LRAT: variants seen among roughly 807,000 people sequenced by gnomAD.
LRAT encodes lecithin retinol acyltransferase, also known as lecithin retinol acyltransferase (phosphatidylcholine--retinol O-acyltransferase).
In LRAT, 11 loss-of-function variants were observed where a neutral mutation model predicts 14.2. The observed-to-expected ratio is 0.78, with a 90% confidence interval of 0.49 to 1.29. The LOEUF (loss-of-function observed/expected upper bound fraction) is 1.29, where lower values mean the gene tolerates loss of function less well. Ranked by LOEUF, LRAT falls within the 50% of genes most tolerant of loss-of-function variation. The pLI, the probability that LRAT is intolerant of heterozygous loss-of-function variation, is 0.00. For missense variants in LRAT, 274 were observed against 292.4 expected, an observed-to-expected ratio of 0.94 and a Z score of 0.46; for synonymous variants, 144 against 124.8, an observed-to-expected ratio of 1.15 and a Z score of -1.03.
Position 154,744,323 on chromosome 4 carries a change from C to G in LRAT, c.-1-3C>G. ...CCTCTCCAAGACGCCCTCTTCCCTG[C>G]AGGATGAAGAACCCCATGCTGGAGG... On this transcript the variant is annotated splice_polypyrimidine_tract_variant and splice_region_variant and intron_variant, in intron 1 of 2. Transcript: ENST00000336356. The G allele has an allele frequency of 6.2e-7, 1 of 1,614,012 alleles. No individual in the cohort carries two copies. The highest frequency in any genetic ancestry group is 1.3e-5 in the African/African-American group (1 of 75,074).
At chr4:154,747,039 T>C (rs897929456) in intron 2 of LRAT, among the ~76,000 whole-genome samples, 1 of 152,206 alleles carries the variant, frequency 6.6e-6, no homozygotes, top group African/African-American at 2.4e-5. Context: ...TTCTACTTTT[T>C]AGAAACATAA....
chr4:154,745,762 G>T (rs558000599), intron 2 of LRAT, among the ~76,000 whole-genome samples: 1 of 152,178 alleles, frequency 6.6e-6, no homozygotes, highest in Non-Finnish European at 1.5e-5. Context: ...AAAATTCCCA[G>T]TAAGAGGGCC....
In LRAT at chr4:154,749,395, T is replaced by G. The variant is rs1304667206; in HGVS notation, c.*259T>G. On this transcript the variant is annotated 3_prime_UTR_variant, in exon 3 of 3. Transcript: ENST00000336356. ...CAGGGTGTGGTAGAATTCAGCAATATGAGAAAACCAGCCCCTAAAATGATA... is the reference window on the plus strand; with the variant it reads ...CAGGGTGTGGTAGAATTCAGCAATAGGAGAAAACCAGCCCCTAAAATGATA... 6 of 460,854 alleles carry G rather than the reference T, an allele frequency of 1.3e-5. No individual in the cohort carries two copies. Among genetic ancestry groups the G allele is most frequent in the Admixed American group, 3.5e-5 (1 of 28,266 alleles). 28.5% of individuals were successfully genotyped at this position (460,854 alleles called of 1,614,324 possible).
Position 154,749,035 on chromosome 4 carries a change from T to G in LRAT, c.592T>G (p.Ser198Ala), listed in dbSNP as rs1316923811. The change falls in exon 3 of 3, where the codon TCA becomes GCA. Residue 198 changes from serine to alanine, a missense_variant. Coordinates refer to ENST00000336356, the MANE Select transcript of LRAT (RefSeq NM_004744.5). ...TCGTGATCAGAGAAGTGTTCTTGCTTCAGCAGTCTTGGGATTGGCGTCTAT... is the reference window on the plus strand; with the variant it reads ...TCGTGATCAGAGAAGTGTTCTTGCTGCAGCAGTCTTGGGATTGGCGTCTAT... ...IIRDQRSVLA[S>A]AVLGLASIVC... 1 of 1,613,732 alleles carries G rather than the reference T, an allele frequency of 6.2e-7. No homozygotes were observed. Among genetic ancestry groups the G allele is most frequent in the East Asian group, 2.2e-5 (1 of 44,878 alleles).
In LRAT at chr4:154,744,942, G is replaced by C. The variant is rs1350841909; in HGVS notation, c.540+76G>C. The C allele has an allele frequency of 1.9e-5, 27 of 1,430,380 alleles. No homozygotes were observed. The South Asian group carries it at 3.1e-4, about 16-fold the overall frequency. 88.6% of individuals were successfully genotyped at this position (1,430,380 alleles called of 1,614,324 possible). ...CCATCCCTGACCTTTTCTCTTCCCC[G>C]CGAGTAGGGATCTAATTCCTGGACA... On this transcript the variant is annotated intron_variant, in intron 2 of 2. Coordinates refer to ENST00000336356, the MANE Select transcript of LRAT (RefSeq NM_004744.5).
At chr4:154,741,984 C>G (rs530288576), upstream of LRAT, among the ~76,000 whole-genome samples, 43 of 152,208 alleles carry the variant, frequency 2.8e-4, no homozygotes, top group Non-Finnish European at 5.7e-4. Flanking sequence ...GGCCCTTTGG[C>G]CCGTGACACA....
At position 154,744,836 on chromosome 4, in the gene LRAT, T is replaced by C. The variant is rs1210989608; in HGVS notation, c.510T>C (p.Tyr170=). ...AGCACTTCGTGACCTACTGCAGATA[T>C]GGCACCCCGATCAGTCCCCAGTCCG... The part of the protein sequence containing the change: ...NCEHFVTYCR[Y]GTPISPQSDK... Residue 170 remains tyrosine, a synonymous_variant, in exon 2 of 3, where the codon TAT becomes TAC. Transcript: ENST00000336356. 1.2e-6 allele frequency: 2 copies of C among 1,613,720 alleles called. No homozygotes were observed. Among genetic ancestry groups the C allele is most frequent in the Non-Finnish European group, 1.7e-6 (2 of 1,180,004 alleles).
At chr4:154,742,799 A>T (rs1165468571), upstream of LRAT, among the ~76,000 whole-genome samples, 2 of 152,132 alleles carry the variant, frequency 1.3e-5, no homozygotes, top group African/African-American at 4.8e-5. Context: ...CAAAGAACTT[A>T]GCATCTCATC....
In LRAT at chr4:154,749,135, A is replaced by G; in HGVS notation, c.692A>G (p.Ter231=). The G allele has an allele frequency of 6.2e-7, 1 of 1,613,344 alleles. No individual in the cohort carries two copies. The highest frequency in any genetic ancestry group is 2.2e-5 in the East Asian group (1 of 44,852). Reference sequence around the variant, plus strand: ...CCATTCTTCCTATGGATGGCTGGCTAACTTCATACCCCCATGTCAGTGTGT... The same window carrying G: ...CCATTCTTCCTATGGATGGCTGGCTGACTTCATACCCCCATGTCAGTGTGT... The part of the protein sequence containing the change: ...FIPFFLWMAG[*] Residue 231 remains the stop codon, a stop_retained_variant, in exon 3 of 3, where the codon TAA becomes TGA. Coordinates refer to ENST00000336356, the MANE Select transcript of LRAT (RefSeq NM_004744.5).
chr4:154,741,986 C>G (rs548815593), upstream of LRAT, among the ~76,000 whole-genome samples: 4 of 151,992 alleles, frequency 2.6e-5, no homozygotes, highest in African/African-American at 7.3e-5. Context: ...CCCTTTGGCC[C>G]GTGACACAAG....
chr4:154,750,511 GAAT>G lies in LRAT; in HGVS notation c.*1377_*1379del, dbSNP rs1732969396. The G allele has an allele frequency of 6.6e-6, 1 of 152,116 alleles. No individual in the cohort carries two copies. 9.4% of individuals were successfully genotyped at this position (152,116 alleles called of 1,614,324 possible). ...CAAAATAACAAATCATATTATGAGT[GAAT>G]ATGGGGAGGGCGGGGCCAATCAGTC... On this transcript the variant is annotated 3_prime_UTR_variant, in exon 3 of 3. Transcript: ENST00000336356.
At chr4:154,747,376 AT>A (rs3836690) in intron 2 of LRAT, among the ~76,000 whole-genome samples, 73,036 of 151,592 alleles carry the variant, frequency 0.48, 18,136 homozygotes, top group East Asian at 0.69. Context: ...TTCTACTATG[AT>A]TTTTTTTTAC....
rs11575980 is a variant in LRAT, at chr4:154,744,677, C to T, written c.351C>T (p.Ala117=). 1 of 1,614,192 alleles carries T rather than the reference C, an allele frequency of 6.2e-7. No individual in the cohort carries two copies. Among genetic ancestry groups the T allele is most frequent in the Non-Finnish European group, 8.5e-7 (1 of 1,180,044 alleles). Residue 117 remains alanine, a synonymous_variant, in exon 2 of 3, where the codon GCC becomes GCT. Transcript: ENST00000336356. ...SIRVDTVEDF[A]YGANILVNHL... is the part of the protein sequence containing the mutation. ...GCGTGGACACAGTGGAGGACTTCGC[C>T]TACGGAGCTAACATCCTGGTCAATC...
At chr4:154,742,288 G>C (rs1283663862), upstream of LRAT, among the ~76,000 whole-genome samples, 1 of 152,076 alleles carries the variant, frequency 6.6e-6, no homozygotes, top group Non-Finnish European at 1.5e-5. Context: ...CTTTCGACTC[G>C]TTTGTGGGAG....
Position 154,748,484 on chromosome 4 carries a change from A to C in LRAT, c.541-500A>C, listed in dbSNP as rs1732924984. 5.4e-6 allele frequency: 4 copies of C among 738,994 alleles called. No individual in the cohort carries two copies. In the South Asian group the frequency reaches 1.8e-4, roughly 33 times the overall value. 45.8% of individuals were successfully genotyped at this position (738,994 alleles called of 1,614,324 possible). On this transcript the variant is annotated intron_variant, in intron 2 of 2. Coordinates refer to ENST00000336356, the MANE Select transcript of LRAT (RefSeq NM_004744.5). ...ATTTAGTCAGGAAATGGGATTTGACAATAAAATTAGACTTTCTATGCCTGT... is the reference window on the plus strand; with the variant it reads ...ATTTAGTCAGGAAATGGGATTTGACCATAAAATTAGACTTTCTATGCCTGT...
At chr4:154,743,010 T>C (rs572246820), upstream of LRAT, among the ~76,000 whole-genome samples, 82 of 151,790 alleles carry the variant, frequency 5.4e-4, no homozygotes, top group Admixed American at 1.4e-3. Flanking sequence ...CCGTTTTTCA[T>C]GCCAACCGTT....
intron 2 of LRAT, among the ~76,000 whole-genome samples, chr4:154,745,107 C>T (rs1732860485): frequency 6.7e-6 from 1 of 149,530 alleles, no homozygotes; most frequent in Non-Finnish European, 1.5e-5. Context: ...CAAACTCCGC[C>T]TCCAGAGTTC....
upstream of LRAT, among the ~76,000 whole-genome samples, chr4:154,743,194 A>T (rs1732802809): frequency 7.1e-6 from 1 of 141,482 alleles, no homozygotes; most frequent in Non-Finnish European, 1.5e-5. Flanking sequence ...AGGGCATTTG[A>T]AAAAAGAGGG....
chr4:154,747,150 TA>T, intron 2 of LRAT, among the ~76,000 whole-genome samples: 1 of 152,222 alleles, frequency 6.6e-6, no homozygotes, highest in Middle Eastern at 3.4e-3. Flanking sequence ...TTTGAGTTAA[TA>T]AAAACTCTCA....
Sources: gnomAD v4.1 joint callset for allele counts (sites outside exome capture counted in the v4.1 genomes callset) on GRCh38, gnomAD v4.1.1 for gene constraint, MANE v1.5 for transcripts, NCBI Gene and HGNC (gene_info 2026-07-23, HGNC 2026-07-21) for gene names.